Variants in BMP7 observed in about 807,000 individuals in gnomAD.
BMP7 encodes the protein bone morphogenetic protein 7.
BMP7 carries 12 observed loss-of-function variants against 41.2 expected under a neutral mutation model. That is an observed-to-expected ratio of 0.29 (90% CI 0.19 to 0.47). The LOEUF is 0.47. Among genes scored for constraint, BMP7 ranks in the 20% least tolerant of loss-of-function variants. The pLI, the probability that BMP7 is intolerant of heterozygous loss-of-function variation, is 0.99. For missense variants in BMP7, 467 were observed against 606.0 expected, an observed-to-expected ratio of 0.77 and a Z score of 2.41; for synonymous variants, 248 against 250.0, an observed-to-expected ratio of 0.99 and a Z score of 0.07.
In BMP7 at chr20:57,185,712, G is replaced by T. The variant is rs150448496; in HGVS notation, c.761-1793C>A. ...GAGGGAGGGAGTAGGGCCCAGGCAG[G>T]TTCAAAGCCCTGCCTCTGTCACTTA... On this transcript the variant is annotated intron_variant, in intron 3 of 6. Transcript: ENST00000395863. Among the ~76,000 whole-genome samples the T allele has an allele frequency of 5.8e-4, 88 of 152,338 alleles. 2 individuals are homozygous for T. The East Asian group carries it at 0.016, about 28-fold the overall frequency.
chr20:57,241,732 T>C (rs1054334328), intron 1 of BMP7, among the ~76,000 whole-genome samples: 12 of 152,178 alleles, frequency 7.9e-5, no homozygotes, highest in African/African-American at 2.7e-4. Flanking sequence ...GCCCTGAGCC[T>C]GCAGCCTGCA....
intron 1 of BMP7, among the ~76,000 whole-genome samples, chr20:57,244,770 G>T (rs1382526458): frequency 6.6e-6 from 1 of 152,222 alleles, no homozygotes; most frequent in Non-Finnish European, 1.5e-5. Context: ...GCCAGGTGGG[G>T]GAAGTGAAGC....
intron 6 of BMP7, chr20:57,172,969 A>T: frequency 3.3e-6 from 2 of 611,700 alleles, no homozygotes; most frequent in Admixed American, 2.8e-5. Context: ...TACTTTAAAA[A>T]TTAGGAGAAA....
At chr20:57,225,922 T>C (rs1482827103) in intron 2 of BMP7, 1 of 471,318 alleles carries the variant, frequency 2.1e-6, no homozygotes, top group Non-Finnish European at 4.4e-6. Context: ...TGGTTCGTTC[T>C]GGTCGATGCC....
chr20:57,186,476 G>A (rs1984213869), intron 3 of BMP7, among the ~76,000 whole-genome samples: 1 of 152,156 alleles, frequency 6.6e-6, no homozygotes, highest in African/African-American at 2.4e-5. Context: ...GTATTTCAAA[G>A]CCAAAAATAA....
intron 3 of BMP7, among the ~76,000 whole-genome samples, chr20:57,196,956 C>T (rs957131949): frequency 8.6e-5 from 13 of 151,538 alleles, no homozygotes; most frequent in African/African-American, 2.4e-4. Flanking sequence ...GGCTGGAGTG[C>T]GGTAGTATGA....
chr20:57,213,122 C>G lies in BMP7; in HGVS notation c.612-10499G>C, dbSNP rs940203959. ...CAGACAGAGCTCGGGTGGCCACCCA[C>G]GGCCCTCTCACCCACCCCACGGCTG... On this transcript the variant is annotated intron_variant, in intron 2 of 6. Coordinates refer to ENST00000395863, the MANE Select transcript of BMP7 (RefSeq NM_001719.3). The surrounding 1 kb of genome is among the most constrained non-coding windows in gnomAD (Gnocchi z 4.4). Among the ~76,000 whole-genome samples the G allele has an allele frequency of 2.0e-5, 3 of 152,220 alleles. No individual in the cohort carries two copies. Among genetic ancestry groups the G allele is most frequent in the Non-Finnish European group, 4.4e-5 (3 of 68,038 alleles).
At chr20:57,240,666 T>G (rs1448708929) in intron 1 of BMP7, among the ~76,000 whole-genome samples, 1 of 152,202 alleles carries the variant, frequency 6.6e-6, no homozygotes, top group African/African-American at 2.4e-5. Context: ...TCCACATGGC[T>G]GGAGAGGCCT....
chr20:57,173,637 C>A, intron 5 of BMP7: 1 of 402,970 alleles, frequency 2.5e-6, no homozygotes. Flanking sequence ...GACCCCATTT[C>A]TAAAAAAACA....
chr20:57,228,027 CCTT>C lies in BMP7; in HGVS notation c.611+199_611+201del. Among the ~76,000 whole-genome samples, 1 of 152,242 alleles carries C rather than the reference CCTT, an allele frequency of 6.6e-6. No homozygotes were observed. The highest frequency in any genetic ancestry group is 1.9e-4 in the East Asian group (1 of 5,168). ...CACCACGCATCCCTGGGCTCCCTGG[CCTT>C]CTACTATTCCTGAATTTGTTGTCGG... On this transcript the variant is annotated intron_variant, in intron 2 of 6. Coordinates refer to ENST00000395863, the MANE Select transcript of BMP7 (RefSeq NM_001719.3). This position sits in a 1 kb window ranked among gnomAD's most constrained non-coding sequence, Gnocchi z 4.5.
chr20:57,248,402 G>C (rs2066098406), intron 1 of BMP7, among the ~76,000 whole-genome samples: 1 of 152,150 alleles, frequency 6.6e-6, no homozygotes, highest in African/African-American at 2.4e-5. Flanking sequence ...CAAGACAGGG[G>C]CTTACACACA....
At position 57,171,710 on chromosome 20, in the gene BMP7, G is replaced by A. The variant is rs1983820570; in HGVS notation, c.1147-602C>T. On this transcript the variant is annotated intron_variant, in intron 6 of 6. Transcript: ENST00000395863. This position sits in a 1 kb window ranked among gnomAD's most constrained non-coding sequence, Gnocchi z 4.5. ...GACAGGCCAGAGATTCCACTGTCCT[G>A]TTGTTTTCAACGTGAAACTTCTGGG... Among the ~76,000 whole-genome samples the A allele has an allele frequency of 3.3e-5, 5 of 150,962 alleles. No individual in the cohort carries two copies.
At chr20:57,209,441 T>G (rs1236889808) in intron 2 of BMP7, among the ~76,000 whole-genome samples, 1 of 151,550 alleles carries the variant, frequency 6.6e-6, no homozygotes, top group African/African-American at 2.4e-5. Flanking sequence ...CGAGACCCTG[T>G]CTCAAACAAA....
intron 3 of BMP7, among the ~76,000 whole-genome samples, chr20:57,197,698 A>G (rs1392808095): frequency 6.6e-6 from 1 of 152,238 alleles, no homozygotes; most frequent in East Asian, 1.9e-4. Context: ...ATTCATGAGC[A>G]CAGACAGGGT....
intron 4 of BMP7, among the ~76,000 whole-genome samples, chr20:57,179,343 A>C (rs1407935457): frequency 6.6e-6 from 1 of 152,186 alleles, no homozygotes; most frequent in Non-Finnish European, 1.5e-5. Context: ...CCACCTCCTC[A>C]ACCCCCTGCT....
At chr20:57,209,970 T>A (rs1444008476) in intron 2 of BMP7, among the ~76,000 whole-genome samples, 1 of 152,076 alleles carries the variant, frequency 6.6e-6, no homozygotes, top group African/African-American at 2.4e-5. Context: ...CTTTCCTGGG[T>A]TTGGACAGTT....
chr20:57,236,849 C>T (rs1316782293), intron 1 of BMP7, among the ~76,000 whole-genome samples: 2 of 152,102 alleles, frequency 1.3e-5, no homozygotes, highest in Non-Finnish European at 2.9e-5. Flanking sequence ...GAACCGTCAG[C>T]CCAGGCAAAG....
intron 1 of BMP7, among the ~76,000 whole-genome samples, chr20:57,237,537 C>T (rs1041220365): frequency 1.3e-5 from 2 of 152,108 alleles, no homozygotes; most frequent in Non-Finnish European, 2.9e-5. Context: ...ATTTACATGG[C>T]AAGATTAAGG....
At chr20:57,243,182 G>A (rs571725364) in intron 1 of BMP7, among the ~76,000 whole-genome samples, 1 of 151,970 alleles carries the variant, frequency 6.6e-6, no homozygotes, top group East Asian at 2.0e-4. Flanking sequence ...CAGAGATGTA[G>A]GAGAAAGTTT....
Sources: gnomAD v4.1 joint callset for allele counts (sites outside exome capture counted in the v4.1 genomes callset) on GRCh38, gnomAD v4.1.1 for gene constraint, Gnocchi (gnomAD v3.1) non-coding constraint, MANE v1.5 for transcripts, NCBI Gene and HGNC (gene_info 2026-07-23, HGNC 2026-07-21) for gene names.